The following ATM variants were observed in gnomAD, a reference collection of about 807,000 sequenced individuals.
The protein encoded by ATM is ATM serine/threonine kinase.
In ATM, 308 loss-of-function variants were observed where a neutral mutation model predicts 387.0. The observed-to-expected ratio is 0.80, with a 90% CI of 0.73 to 0.87. The LOEUF (loss-of-function observed/expected upper bound fraction) is 0.87, where lower values mean the gene tolerates loss of function less well. Ranked by LOEUF, ATM falls within the 40% of genes least tolerant of loss-of-function variation. The pLI is 0.00. For synonymous variants in ATM, 1,156 were observed against 1,187.3 expected, an observed-to-expected ratio of 0.97 and a Z score of 0.54; for missense variants, 3,312 against 3,560.9, an observed-to-expected ratio of 0.93 and a Z score of 1.78.
At chr11:108,259,756 G>C (rs1243936111) in intron 16 of ATM, among the ~76,000 whole-genome samples, 2 of 152,096 alleles carry the variant, frequency 1.3e-5, no homozygotes, top group African/African-American at 4.8e-5. Flanking sequence ...TCTTATTGTA[G>C]TATTTATTTT....
intron 57 of ATM, among the ~76,000 whole-genome samples, chr11:108,345,341 C>A (rs2088192824): frequency 6.6e-6 from 1 of 152,170 alleles, no homozygotes; most frequent in Non-Finnish European, 1.5e-5. Flanking sequence ...AGATCTGAGT[C>A]ATATCAGCTG....
At chr11:108,346,041 A>G (rs2088338781) in intron 58 of ATM, 133 bp downstream of exon 58, 4 of 928,158 alleles carry the variant, frequency 4.3e-6, no homozygotes, top group Admixed American at 4.1e-5. Context: ...TAACCAACCC[A>G]TCTTCATTAT....
intron 16 of ATM, among the ~76,000 whole-genome samples, chr11:108,262,966 G>T (rs1399448126): frequency 2.0e-5 from 3 of 151,890 alleles, no homozygotes. Context: ...CACTACAGGA[G>T]CACCCAGATT....
At chr11:108,283,579 CT>C (rs2082338907) in intron 25 of ATM, among the ~76,000 whole-genome samples, 1 of 152,082 alleles carries the variant, frequency 6.6e-6, no homozygotes, top group Admixed American at 6.6e-5. Flanking sequence ...AGGTAGTTTC[CT>C]TTAAGAAGGA....
intron 9 of ATM, 54 bp from the exon 10 acceptor site, chr11:108,250,647 A>C: frequency 6.5e-7 from 1 of 1,526,730 alleles, no homozygotes; most frequent in Non-Finnish European, 8.9e-7. Context: ...ATTTCCTTTT[A>C]GTTTGTTAAT....
chr11:108,267,232 A>G lies in ATM; in HGVS notation c.2528A>G (p.Asn843Ser). 1 of 1,614,134 alleles carries G rather than the reference A, an allele frequency of 6.2e-7. No individual in the cohort carries two copies. The highest frequency in any genetic ancestry group is 2.2e-5 in the East Asian group (1 of 44,884). Reference sequence around the variant, plus strand: ...GTAGAATCAATGGAAGATGATACTAATGGAAATCTAATGGAGGTGGAGGAT... The same window carrying G: ...GTAGAATCAATGGAAGATGATACTAGTGGAAATCTAATGGAGGTGGAGGAT... ...GEVESMEDDT[N>S]GNLMEVEDQS... Residue 843 changes from asparagine (N) to serine (S), a missense_variant, in exon 17 of 63, where the codon AAT (asparagine) becomes AGT (serine). By Grantham distance (46) the Asn-to-Ser change is conservative (BLOSUM62 1). Around this residue, in one of 4 missense-constraint regions of ATM, gnomAD observed 1,791 missense variants for 1,804.5 expected, o/e 0.99. Transcript: ENST00000675843.
chr11:108,330,356 G>T lies in ATM; in HGVS notation c.7450G>T (p.Val2484Leu), dbSNP rs587779864. The change falls in exon 50 of 63, where the codon GTA becomes TTA. Residue 2484 changes from valine (V) to leucine (L), a missense_variant. Coordinates refer to ENST00000675843, the MANE Select transcript of ATM (RefSeq NM_000051.4). ...AAGTGGAGAAGAACATGATATGTGGGTATTCCGACTTTGTTCCCTCTGGCT... is the reference window on the plus strand; with the variant it reads ...AAGTGGAGAAGAACATGATATGTGGTTATTCCGACTTTGTTCCCTCTGGCT... ...LLSGEEHDMW[V>L]FRLCSLWLEN... is the part of the protein sequence containing the mutation. The T allele has an allele frequency of 6.2e-7, 1 of 1,614,164 alleles. No homozygotes were observed. The highest frequency in any genetic ancestry group is 8.5e-7 in the Non-Finnish European group (1 of 1,180,016).
rs1291388225 is a variant in ATM at position 108,331,923 on chromosome 11, T to C, written c.7674T>C (p.Phe2558=). ...TGGATCACCCCCATCACACTTTGTT[T>C]ATTATACTGGCCTTAGCAAATGCAA... ...ISMDHPHHTL[F]IILALANANR... Residue 2558 remains phenylalanine, a synonymous_variant, in exon 52 of 63, where the codon TTT becomes TTC. Transcript: ENST00000675843. The C allele has an allele frequency of 1.9e-6, 3 of 1,614,040 alleles. No homozygotes were observed. The South Asian group carries it at 3.3e-5, about 18-fold the overall frequency.
At chr11:108,307,824 C>A in intron 37 of ATM, 73 bp from the exon 38 acceptor site, 1 of 1,346,642 alleles carries the variant, frequency 7.4e-7, no homozygotes, top group Non-Finnish European at 1.1e-6. Flanking sequence ...GGGAGACAGA[C>A]ACATAAACAA....
At chr11:108,304,619 A>G in intron 36 of ATM, 56 bp from the exon 37 acceptor site, 1 of 1,538,552 alleles carries the variant, frequency 6.5e-7, no homozygotes, top group Non-Finnish European at 9.0e-7. Flanking sequence ...AGTAAAATGT[A>G]TTAATTTTAC....
intron 60 of ATM, 46 bp from the exon 61 acceptor site, chr11:108,354,765 C>G (rs2089677490): frequency 6.7e-7 from 1 of 1,493,298 alleles, no homozygotes; most frequent in African/African-American, 1.4e-5. Context: ...ACGTTGACAA[C>G]ATTGGTGTGT....
At chr11:108,354,978 A>AG (rs1402778452) in intron 61 of ATM, 104 bp downstream of exon 61, 2 of 980,948 alleles carry the variant, frequency 2.0e-6, no homozygotes, top group African/African-American at 1.6e-5. Context: ...ATTTTAACAT[A>AG]GGGGGATGTG....
chr11:108,328,386 A>G (rs1186820514), intron 48 of ATM, among the ~76,000 whole-genome samples: 2 of 152,148 alleles, frequency 1.3e-5, no homozygotes, highest in Non-Finnish European at 2.9e-5. Flanking sequence ...AGCTGGGACT[A>G]CAGGAGTGTG....
At chr11:108,292,511 C>A in intron 29 of ATM, 108 bp from the exon 30 acceptor site, 1 of 1,276,872 alleles carries the variant, frequency 7.8e-7, no homozygotes, top group Non-Finnish European at 1.1e-6. Flanking sequence ...TATGTCAAGG[C>A]ATATAAGAAT....
rs2083652573 is a variant in ATM, at chr11:108,305,636, CCTT to C, written c.5674+787_5674+789del. On this transcript the variant is annotated intron_variant, in intron 37 of 62. Coordinates refer to ENST00000675843, the MANE Select transcript of ATM (RefSeq NM_000051.4). ...ACTATAATTAACATTTAGTGTATATCCTTCTAATTGTTTAAAACAAAAATTGAA... is the reference window on the plus strand; with the variant it reads ...ACTATAATTAACATTTAGTGTATATCCTAATTGTTTAAAACAAAAATTGAA... Among the ~76,000 whole-genome samples the C allele has an allele frequency of 1.3e-5, 2 of 152,022 alleles. 1 individual carries two copies. Among genetic ancestry groups the C allele is most frequent in the South Asian group, 4.1e-4 (2 of 4,820 alleles).
In ATM at chr11:108,325,299, G is replaced by A. The variant is rs375599653; in HGVS notation, c.6573-11G>A. Reference sequence around the variant, plus strand: ...CTCTTGCTTACATGAACTCTATGTCGTGGCATTCAGATCAGTCACACATAG... The same window carrying A: ...CTCTTGCTTACATGAACTCTATGTCATGGCATTCAGATCAGTCACACATAG... On this transcript the variant is annotated splice_polypyrimidine_tract_variant and intron_variant, in intron 45 of 62. Coordinates refer to ENST00000675843, the MANE Select transcript of ATM (RefSeq NM_000051.4). The A allele has an allele frequency of 1.6e-5, 20 of 1,246,700 alleles. No individual in the cohort carries two copies. Among genetic ancestry groups the A allele is most frequent in the East Asian group, 2.5e-5 (1 of 39,492 alleles). 77.2% of individuals were successfully genotyped at this position (1,246,700 alleles called of 1,614,324 possible).
rs1384223359 is a variant in ATM, at chr11:108,337,490, G to A, written c.8268+1529G>A. On this transcript the variant is annotated intron_variant, in intron 56 of 62. Coordinates refer to ENST00000675843, the MANE Select transcript of ATM (RefSeq NM_000051.4). ...ACTTAGAGAGTTTGTTAAAAACACA[G>A]ATTTCTGATCCCCATTCTTAGAATT... Among the ~76,000 whole-genome samples, 5 of 152,200 alleles carry A rather than the reference G, an allele frequency of 3.3e-5. No individual in the cohort carries two copies. The East Asian group carries it at 9.6e-4, about 29-fold the overall frequency.
At chr11:108,334,906 A>G in intron 54 of ATM, 63 bp from the exon 55 acceptor site, 1 of 1,539,288 alleles carries the variant, frequency 6.5e-7, no homozygotes, top group Non-Finnish European at 9.0e-7. Context: ...TTTATAATGT[A>G]TTTTTCTTTA....
chr11:108,325,043 T>C (rs1229461434), intron 45 of ATM, among the ~76,000 whole-genome samples: 3 of 152,166 alleles, frequency 2.0e-5, no homozygotes, highest in African/African-American at 7.2e-5. Context: ...CTGCTTTTTG[T>C]AATGTCAGAG....
Sources: gnomAD v4.1 joint callset for allele counts (sites outside exome capture counted in the v4.1 genomes callset) on GRCh38, gnomAD v4.1.1 for gene constraint, gnomAD v4.1.1 regional missense constraint, MANE v1.5 for transcripts, NCBI Gene and HGNC (gene_info 2026-07-23, HGNC 2026-07-21) for gene names.